Variants in PDE10A observed in about 807,000 individuals in gnomAD.
PDE10A encodes cAMP and cAMP-inhibited cGMP 3',5'-cyclic phosphodiesterase 10A.
Under a neutral mutation model 97.7 loss-of-function variants are expected in PDE10A, and 39 were observed. The ratio of observed to expected loss-of-function variants is 0.40; its 90% CI spans 0.31 to 0.52. PDE10A has a LOEUF of 0.52. Ranked by LOEUF, PDE10A falls within the 20% of genes least tolerant of loss-of-function variation. The pLI is 0.56. For missense variants in PDE10A, 731 were observed against 1,047.8 expected, an observed-to-expected ratio of 0.70 and a Z score of 4.17; for synonymous variants, 371 against 376.8, an observed-to-expected ratio of 0.98 and a Z score of 0.18.
At chr6:165,812,286 G>C (rs1779304188) in intron 1 of PDE10A, among the ~76,000 whole-genome samples, 1 of 152,144 alleles carries the variant, frequency 6.6e-6, no homozygotes, top group African/African-American at 2.4e-5. Flanking sequence ...CACCAAATGA[G>C]TATTTTTAAA....
At chr6:165,544,962 G>T (rs1201422648) in intron 1 of PDE10A, among the ~76,000 whole-genome samples, 1 of 152,026 alleles carries the variant, frequency 6.6e-6, no homozygotes, top group East Asian at 1.9e-4. Flanking sequence ...AAATGCTAAA[G>T]ATAATTGGCT....
chr6:165,666,888 A>G (rs911666541), upstream of PDE10A, among the ~76,000 whole-genome samples: 3 of 152,204 alleles, frequency 2.0e-5, no homozygotes, highest in Non-Finnish European at 2.9e-5. Context: ...CTGCCTCTCC[A>G]ACTATTCATA....
chr6:165,759,175 T>C (rs1793194642), intron 1 of PDE10A, among the ~76,000 whole-genome samples: 1 of 152,130 alleles, frequency 6.6e-6, no homozygotes, highest in Admixed American at 6.5e-5. Flanking sequence ...CTGGGAGAGG[T>C]CCAAAACTAC....
At chr6:165,647,252 G>T (rs1438483126) in intron 1 of PDE10A, among the ~76,000 whole-genome samples, 1 of 152,194 alleles carries the variant, frequency 6.6e-6, no homozygotes, top group Non-Finnish European at 1.5e-5. Flanking sequence ...TGGCAGAGAG[G>T]GATGGTGTCC....
At chr6:165,544,815 A>G (rs1209399829) in intron 1 of PDE10A, among the ~76,000 whole-genome samples, 2 of 149,070 alleles carry the variant, frequency 1.3e-5, no homozygotes, top group East Asian at 2.0e-4. Context: ...TAAATAGTCA[A>G]TTTAAACACA....
intron 1 of PDE10A, among the ~76,000 whole-genome samples, chr6:165,839,966 T>C (rs1780197963): frequency 3.6e-5 from 4 of 112,310 alleles, no homozygotes; most frequent in African/African-American, 9.6e-5. Context: ...TCTACATCTC[T>C]GTCTTCATCC....
chr6:165,567,036 G>A (rs1314055318), intron 1 of PDE10A, among the ~76,000 whole-genome samples: 1 of 152,120 alleles, frequency 6.6e-6, no homozygotes, highest in Admixed American at 6.5e-5. Flanking sequence ...GCCAAAACAT[G>A]GAAACTACCA....
intron 21 of PDE10A, among the ~76,000 whole-genome samples, chr6:165,333,701 C>T (rs907656711): frequency 6.6e-6 from 1 of 152,242 alleles, no homozygotes; most frequent in African/African-American, 2.4e-5. Flanking sequence ...TAAGTCCTCA[C>T]CCGAGGCAGT....
rs981969330 is a variant in PDE10A at position 165,714,280 on chromosome 6, G to A, written c.-614-170712C>T. The stretch of plus-strand genomic sequence containing the variant: ...TTGACCCGATGGGAGCCTGCAGAGG[G>A]GGTGGCGTGCCGTAGCCACTCCTGC... On this transcript the variant is annotated intron_variant, in intron 1 of 19. Transcript: ENST00000366882. Among the ~76,000 whole-genome samples, 4 of 152,348 alleles carry A rather than the reference G, an allele frequency of 2.6e-5. No individual in the cohort carries two copies. The East Asian group carries it at 7.7e-4, about 29-fold the overall frequency.
chr6:165,588,281 C>CTTT (rs1216263426), intron 1 of PDE10A, among the ~76,000 whole-genome samples: 4 of 37,058 alleles, frequency 1.1e-4, no homozygotes, highest in African/African-American at 1.7e-4. Context: ...ATTTTTTTTT[C>CTTT]TTTTTTTTTT....
At chr6:165,374,526 A>G (rs1784487400) in intron 18 of PDE10A, among the ~76,000 whole-genome samples, 2 of 152,136 alleles carry the variant, frequency 1.3e-5, no homozygotes. Context: ...CACAGAAGTA[A>G]GAATAGTAAG....
intron 1 of PDE10A, among the ~76,000 whole-genome samples, chr6:165,925,330 A>G (rs1782901222): frequency 6.6e-6 from 1 of 152,238 alleles, no homozygotes; most frequent in Non-Finnish European, 1.5e-5. Flanking sequence ...TCTGGAAAAT[A>G]GTTTCTTACG....
chr6:165,790,356 C>G (rs1778613679), intron 1 of PDE10A, among the ~76,000 whole-genome samples: 1 of 152,152 alleles, frequency 6.6e-6, no homozygotes. Context: ...TTTCTGACTA[C>G]TACATGGAAT....
At chr6:165,562,008 T>C (rs952121491) in intron 1 of PDE10A, among the ~76,000 whole-genome samples, 1 of 152,188 alleles carries the variant, frequency 6.6e-6, no homozygotes, top group Non-Finnish European at 1.5e-5. Flanking sequence ...TGGTAGCTCA[T>C]GCCTGTAATC....
At chr6:165,740,037 A>G (rs1792678802) in intron 1 of PDE10A, among the ~76,000 whole-genome samples, 1 of 152,202 alleles carries the variant, frequency 6.6e-6, no homozygotes, top group Non-Finnish European at 1.5e-5. Flanking sequence ...GCCATTGTGA[A>G]AAACAATATG....
At chr6:165,699,069 T>G (rs1791507183) in intron 1 of PDE10A, among the ~76,000 whole-genome samples, 1 of 152,138 alleles carries the variant, frequency 6.6e-6, no homozygotes, top group Non-Finnish European at 1.5e-5. Context: ...ATAAAAAACA[T>G]GGTCTAACTA....
intron 1 of PDE10A, among the ~76,000 whole-genome samples, chr6:165,657,065 G>A (rs951243692): frequency 6.6e-6 from 1 of 152,324 alleles, no homozygotes; most frequent in Admixed American, 6.5e-5. Flanking sequence ...TCCAACACAA[G>A]TATTTGAGTA....
chr6:165,779,620 G>C (rs1278824623), intron 1 of PDE10A, among the ~76,000 whole-genome samples: 2 of 152,204 alleles, frequency 1.3e-5, no homozygotes, highest in Non-Finnish European at 2.9e-5. Context: ...TGGGGTGGTG[G>C]CTACAAAGTT....
chr6:165,887,219 T>C lies in PDE10A; in HGVS notation c.-615+100310A>G, dbSNP rs558229405. Among the ~76,000 whole-genome samples, 4 of 152,258 alleles carry C rather than the reference T, an allele frequency of 2.6e-5. No homozygotes were observed. In the East Asian group the frequency reaches 5.8e-4, roughly 22 times the overall value. ...AAGAAGGAGCCTACAATCCCACCCA[T>C]TTCTGCCCCACACTCACAGCCTTAC... On this transcript the variant is annotated intron_variant, in intron 1 of 19. Transcript: ENST00000366882.
Sources: allele counts gnomAD v4.1 joint callset (sites outside exome capture counted in the v4.1 genomes callset), GRCh38; gene constraint gnomAD v4.1.1; transcripts MANE v1.5; gene names NCBI Gene and HGNC (gene_info 2026-07-23, HGNC 2026-07-21).